TRIM5: variants seen among roughly 807,000 people sequenced by gnomAD.
TRIM5 encodes the protein tripartite motif containing 5, also known as tripartite motif-containing protein 5.
A neutral mutation model predicts 35.6 loss-of-function variants in TRIM5; 31 were observed. The observed-to-expected ratio is 0.87, with a 90% CI of 0.65 to 1.18. The LOEUF is 1.18. Among genes scored for constraint, TRIM5 ranks in the 50% most tolerant of loss-of-function variants. The pLI is 0.00. For synonymous variants in TRIM5, 243 were observed against 215.6 expected (o/e 1.13, Z -1.11); for missense variants, 609 against 591.6 (o/e 1.03, Z -0.31).
the TRIM5 span, among the ~76,000 whole-genome samples, chr11:5,597,901 G>A: frequency 1.8e-3 from 262 of 148,542 alleles, 1 homozygote; most frequent in Admixed American, 2.8e-3. Flanking sequence ...CTTAATGTGC[G>A]TAAGAATCAC....
chr11:5,610,299 A>G, the TRIM5 span: 4 of 1,611,598 alleles, frequency 2.5e-6, no homozygotes, highest in Non-Finnish European at 3.4e-6. Context: ...CGTGGGAAGA[A>G]ATAAACGGGA....
intron 3 of TRIM5, 148 bp downstream of exon 3, chr11:5,678,926 C>T (rs1399558973): frequency 2.9e-6 from 2 of 680,670 alleles, no homozygotes; most frequent in Non-Finnish European, 5.2e-6. Flanking sequence ...ACTCCTCAGC[C>T]ACCACACCCC....
the TRIM5 span, among the ~76,000 whole-genome samples, chr11:5,607,647 C>A: frequency 2.6e-5 from 4 of 152,168 alleles, no homozygotes; most frequent in Non-Finnish European, 5.9e-5. Context: ...GTGAAGTGGA[C>A]TGACTTGGGC....
the TRIM5 span, among the ~76,000 whole-genome samples, chr11:5,598,269 G>A: frequency 6.6e-6 from 1 of 152,140 alleles, no homozygotes; most frequent in East Asian, 1.9e-4. Context: ...GCTGGTGTGT[G>A]GGCAAGGGTC....
chr11:5,639,965 ATTTG>A, the TRIM5 span, among the ~76,000 whole-genome samples: 20 of 152,166 alleles, frequency 1.3e-4, no homozygotes, highest in Non-Finnish European at 2.1e-4. Flanking sequence ...AGCATTTATC[ATTTG>A]TTTGTGTTGC....
the TRIM5 span, chr11:5,642,831 C>T: frequency 2.9e-5 from 47 of 1,613,728 alleles, 1 homozygote; most frequent in South Asian, 2.4e-4. Context: ...GACAGCTGTC[C>T]GGTGCTACTG....
At chr11:5,610,388 T>C in the TRIM5 span, 12 of 1,568,484 alleles carry the variant, frequency 7.7e-6, no homozygotes, top group Non-Finnish European at 1.0e-5. Context: ...CTGAAGAAGA[T>C]GCGGTTTGTA....
At chr11:5,625,727 C>G in the TRIM5 span, among the ~76,000 whole-genome samples, 3 of 152,170 alleles carry the variant, frequency 2.0e-5, no homozygotes, top group Non-Finnish European at 4.4e-5. Flanking sequence ...TCTCAGGGCT[C>G]TCCTTGCACA....
chr11:5,643,092 C>T, the TRIM5 span: 10 of 1,257,322 alleles, frequency 8.0e-6, no homozygotes, highest in South Asian at 8.9e-5. Context: ...ATATATATCA[C>T]ACAGATGATT....
At chr11:5,635,355 A>G in the TRIM5 span, among the ~76,000 whole-genome samples, 1 of 148,420 alleles carries the variant, frequency 6.7e-6, no homozygotes, top group African/African-American at 2.5e-5. Context: ...TCCCAGGTTC[A>G]CGCCATTCTC....
the TRIM5 span, among the ~76,000 whole-genome samples, chr11:5,654,213 T>G: frequency 6.6e-6 from 1 of 152,170 alleles, no homozygotes; most frequent in African/African-American, 2.4e-5. Flanking sequence ...GGAGGTATCA[T>G]GTTTTCTTGC....
At chr11:5,667,541 G>C in intron 5 of TRIM5, 148 bp downstream of exon 5, 3 of 885,274 alleles carry the variant, frequency 3.4e-6, no homozygotes, top group Non-Finnish European at 5.2e-6. Context: ...TTCGAATGCT[G>C]ATTTATGACC....
At chr11:5,609,131 A>C in the TRIM5 span, among the ~76,000 whole-genome samples, 1 of 152,090 alleles carries the variant, frequency 6.6e-6, no homozygotes, top group African/African-American at 2.4e-5. Context: ...GGAATCAAAC[A>C]TGTTCTCTAT....
the TRIM5 span, chr11:5,642,613 G>A: frequency 3.6e-6 from 5 of 1,393,872 alleles, no homozygotes; most frequent in Admixed American, 2.5e-5. Flanking sequence ...GAGGAGGGAG[G>A]TCAGAGAATA....
At chr11:5,599,695 G>A in the TRIM5 span, among the ~76,000 whole-genome samples, 2 of 139,372 alleles carry the variant, frequency 1.4e-5, no homozygotes, top group African/African-American at 5.2e-5. Flanking sequence ...GGGCCACCGC[G>A]CCCGGCCAAC....
chr11:5,634,367 ATAG>A, the TRIM5 span, among the ~76,000 whole-genome samples: 1 of 151,984 alleles, frequency 6.6e-6, no homozygotes, highest in African/African-American at 2.4e-5. Context: ...TGAAAGGAAA[ATAG>A]TAGGAAAAAA....
At chr11:5,652,808 T>C in the TRIM5 span, among the ~76,000 whole-genome samples, 2 of 152,080 alleles carry the variant, frequency 1.3e-5, no homozygotes, top group South Asian at 4.1e-4. Flanking sequence ...GCATAGAATG[T>C]TTTTCCATTT....
chr11:5,633,675 TA>T, the TRIM5 span: 1 of 874,926 alleles, frequency 1.1e-6, no homozygotes, highest in South Asian at 2.0e-5. Flanking sequence ...TCATAGATTC[TA>T]ATCACCAGCT....
At chr11:5,639,341 T>C in the TRIM5 span, among the ~76,000 whole-genome samples, 10 of 151,954 alleles carry the variant, frequency 6.6e-5, no homozygotes, top group African/African-American at 2.4e-4. Flanking sequence ...AAGACAATGA[T>C]TAGATATAAA....
Sources: gnomAD v4.1 joint callset for allele counts (sites outside exome capture counted in the v4.1 genomes callset) on GRCh38, gnomAD v4.1.1 for gene constraint, MANE v1.5 for transcripts, NCBI Gene and HGNC (gene_info 2026-07-23, HGNC 2026-07-21) for gene names.